HELLS: variants seen among roughly 807,000 people sequenced by gnomAD.
HELLS encodes the protein lymphoid-specific helicase.
A neutral mutation model predicts 120.0 loss-of-function variants in HELLS; 32 were observed. The ratio of observed to expected loss-of-function variants is 0.27; its 90% CI spans 0.20 to 0.36. HELLS has a LOEUF of 0.36. Ranked by LOEUF, HELLS falls within the 10% of genes least tolerant of loss-of-function variation. HELLS has a pLI of 1.00. For synonymous variants in HELLS, 341 were observed against 323.4 expected (o/e 1.05, Z -0.58); for missense variants, 650 against 993.4 (o/e 0.65, Z 4.65).
At chr10:94,552,548 GT>G (rs1209117649) in intron 2 of HELLS, among the ~76,000 whole-genome samples, 2 of 152,154 alleles carry the variant, frequency 1.3e-5, no homozygotes, top group Non-Finnish European at 2.9e-5. Flanking sequence ...AATACTTGTT[GT>G]TTTCAGATAT....
At chr10:94,568,907 T>C (rs1589724494) in intron 6 of HELLS, among the ~76,000 whole-genome samples, 1 of 151,880 alleles carries the variant, frequency 6.6e-6, no homozygotes, top group South Asian at 2.1e-4. Context: ...AGTGGCATGA[T>C]CTTGGCTCAC....
At position 94,581,394 on chromosome 10, in the gene HELLS, C is replaced by G. The variant is rs778798642; in HGVS notation, c.1101C>G (p.Ile367Met). ...HRIKNMKCRL[I>M]RELKRFNADN... ...TTAAGAATATGAAGTGCCGTCTAATCAGGGAGTTAAAACGATTCAATGCTG... is the reference window on the plus strand; with the variant it reads ...TTAAGAATATGAAGTGCCGTCTAATGAGGGAGTTAAAACGATTCAATGCTG... The change falls in exon 11 of 22, where the codon ATC (isoleucine) becomes ATG (methionine). Residue 367 changes from isoleucine (I) to methionine (M), a missense_variant. By Grantham distance (10) the Ile-to-Met change is conservative (BLOSUM62 1). Around this residue, in one of 9 missense-constraint regions of HELLS, gnomAD observed 48 missense variants for 127.0 expected, o/e 0.38. Coordinates refer to ENST00000348459, the MANE Select transcript of HELLS (RefSeq NM_018063.5). The G allele has an allele frequency of 1.2e-6, 2 of 1,611,244 alleles. No homozygotes were observed. Among genetic ancestry groups the G allele is most frequent in the Admixed American group, 1.7e-5 (1 of 59,792 alleles).
intron 12 of HELLS, among the ~76,000 whole-genome samples, chr10:94,587,674 G>A (rs1009102135): frequency 1.4e-4 from 21 of 152,288 alleles, no homozygotes; most frequent in African/African-American, 4.6e-4. Context: ...TGATTCACCC[G>A]TCTTGGCCTC....
Position 94,546,472 on chromosome 10 carries a change from G to C in HELLS, c.127G>C (p.Glu43Gln). The change falls in exon 2 of 22, where the codon GAG becomes CAG. Residue 43 changes from glutamate (E) to glutamine (Q), a missense_variant. Transcript: ENST00000348459. ...AGAACAGCTTGAAGCTGCTGGACTAGAGAGAGAGCGGAAGATGCTGGAAAA... is the reference window on the plus strand; with the variant it reads ...AGAACAGCTTGAAGCTGCTGGACTACAGAGAGAGCGGAAGATGCTGGAAAA... ...EEEQLEAAGL[E>Q]RERKMLEKAR... 1 of 1,614,128 alleles carries C rather than the reference G, an allele frequency of 6.2e-7. No individual in the cohort carries two copies. Among genetic ancestry groups the C allele is most frequent in the Non-Finnish European group, 8.5e-7 (1 of 1,180,014 alleles).
intron 19 of HELLS, among the ~76,000 whole-genome samples, chr10:94,595,927 G>T (rs1845717626): frequency 1.3e-5 from 2 of 152,068 alleles, no homozygotes; most frequent in South Asian, 2.1e-4. Flanking sequence ...GTGTATTAAG[G>T]TTTAGACAAA....
intron 12 of HELLS, 42 bp downstream of exon 12, chr10:94,583,101 A>G: frequency 1.8e-6 from 2 of 1,116,252 alleles, no homozygotes; most frequent in Admixed American, 4.4e-5. Context: ...TAGGCTCGAT[A>G]GAGTATAAAA....
At chr10:94,594,020 GGCTGGGATTAAGT>G (rs1381101433) in intron 18 of HELLS, among the ~76,000 whole-genome samples, 6 of 148,270 alleles carry the variant, frequency 4.0e-5, no homozygotes, top group South Asian at 2.1e-4. Flanking sequence ...TTGTTGCCCA[GGCTGGGATTAAGT>G]GCTGGGATTA....
intron 9 of HELLS, among the ~76,000 whole-genome samples, chr10:94,609,042 A>ATTTTTTTTT (rs1846160013): frequency 3.2e-5 from 1 of 31,542 alleles, no homozygotes; most frequent in African/African-American, 1.3e-4. Context: ...TTTTTTTTTG[A>ATTTTTTTTT]GATGGAGTTT....
chr10:94,604,828 T>A (rs58569582), downstream of HELLS, among the ~76,000 whole-genome samples: 1,815 of 152,274 alleles, frequency 0.012, 54 homozygotes, highest in African/African-American at 0.042. Context: ...AACTGTTTTT[T>A]ACCTACCAGT....
rs1478411853 is a variant in HELLS, at chr10:94,587,864, T to TA, written c.1327-364dup. ...CATTATTTCAAATATTTTTAATTTTTATTCATTTTTATTATTTCCCCTTTT... is the reference window on the plus strand; with the variant it reads ...CATTATTTCAAATATTTTTAATTTTTAATTCATTTTTATTATTTCCCCTTTT... On this transcript the variant is annotated intron_variant, in intron 12 of 21. Coordinates refer to ENST00000348459, the MANE Select transcript of HELLS (RefSeq NM_018063.5). Among the ~76,000 whole-genome samples the TA allele has an allele frequency of 2.0e-5, 3 of 152,360 alleles. No homozygotes were observed. The East Asian group carries it at 5.8e-4, about 29-fold the overall frequency.
chr10:94,577,389 A>G (rs1400125121), intron 10 of HELLS: 2 of 219,486 alleles, frequency 9.1e-6, no homozygotes, highest in South Asian at 6.1e-5. Flanking sequence ...TTCTCTGGCC[A>G]TGTGAGAACC....
chr10:94,576,188 A>G (rs1010474709), intron 9 of HELLS, among the ~76,000 whole-genome samples: 2 of 151,988 alleles, frequency 1.3e-5, no homozygotes, highest in Non-Finnish European at 2.9e-5. Flanking sequence ...ATTCTGGCTC[A>G]CTGTGGCCTT....
At chr10:94,593,384 T>C in intron 17 of HELLS, 115 bp from the exon 18 acceptor site, 1 of 636,890 alleles carries the variant, frequency 1.6e-6, no homozygotes, top group Non-Finnish European at 2.8e-6. Context: ...CTGAATGATT[T>C]GTTTGGCCTC....
intron 12 of HELLS, chr10:94,584,214 G>A (rs2134087022): frequency 2.3e-6 from 1 of 441,270 alleles, no homozygotes. Flanking sequence ...GTTCCTTGTG[G>A]CCATATTCCA....
chr10:94,607,379 A>T (rs1249254989), intron 8 of HELLS, among the ~76,000 whole-genome samples: 6 of 152,160 alleles, frequency 3.9e-5, no homozygotes, highest in Admixed American at 3.9e-4. Context: ...GGGGTGTTTA[A>T]CACCTGTTTC....
chr10:94,575,729 T>A (rs1844411892), intron 9 of HELLS, among the ~76,000 whole-genome samples: 1 of 143,688 alleles, frequency 7.0e-6, no homozygotes, highest in Non-Finnish European at 1.5e-5. Flanking sequence ...CCTATATGTG[T>A]TTTATGTATT....
rs1461161021 is a variant in HELLS at position 94,601,970 on chromosome 10, ACTTCAGTTATGAAGTAGG to A, written c.*352_*369del. 1 of 157,452 alleles carries A rather than the reference ACTTCAGTTATGAAGTAGG, an allele frequency of 6.4e-6. No homozygotes were observed. Among genetic ancestry groups the A allele is most frequent in the Non-Finnish European group, 1.4e-5 (1 of 71,550 alleles). The allele number at this position is 157,452 out of a possible 1,614,324, so 9.8% of individuals were successfully genotyped here. The stretch of plus-strand genomic sequence containing the variant: ...GTAATGCAGTTCATGGGCTTTAGGT[ACTTCAGTTATGAAGTAGG>A]CTTTTCATGGGGAGAGATTGGGATT... On this transcript the variant is annotated 3_prime_UTR_variant, in exon 22 of 22. Coordinates refer to ENST00000348459, the MANE Select transcript of HELLS (RefSeq NM_018063.5).
chr10:94,569,436 C>G (rs1226650532), intron 6 of HELLS: 1 of 152,366 alleles, frequency 6.6e-6, no homozygotes, highest in South Asian at 2.1e-4. Flanking sequence ...CCTGACTTGG[C>G]CTCCCAAAGT....
rs751363478 is a variant in HELLS at position 94,562,874 on chromosome 10, G to C, written c.433G>C (p.Glu145Gln). 3 of 1,563,746 alleles carry C rather than the reference G, an allele frequency of 1.9e-6. No homozygotes were observed. Among genetic ancestry groups the C allele is most frequent in the Non-Finnish European group, 1.8e-6 (2 of 1,142,528 alleles). ...SYNISEVMSKEEILSVAKKNK... is the reference protein window; with the variant it reads ...SYNISEVMSKQEILSVAKKNK... ...CAATATTTCAGAGGTCATGTCAAAA[G>C]AGGTAAAAATAAAAGGGAGAGGGCA... Residue 145 changes from glutamate (E) to glutamine (Q), a missense_variant and splice_region_variant, in exon 6 of 22, where the codon GAG (glutamate) becomes CAG (glutamine). Physicochemically the swap from Glu to Gln is conservative, Grantham distance 29. This residue lies in a region of HELLS where 113 missense variants were observed against 120.7 expected (regional missense o/e 0.94). Coordinates refer to ENST00000348459, the MANE Select transcript of HELLS (RefSeq NM_018063.5).
Sources: gnomAD v4.1 joint callset for allele counts (sites outside exome capture counted in the v4.1 genomes callset) on GRCh38, gnomAD v4.1.1 for gene constraint, gnomAD v4.1.1 regional missense constraint, MANE v1.5 for transcripts, NCBI Gene and HGNC (gene_info 2026-07-23, HGNC 2026-07-21) for gene names.